The following CENPP variants were observed in gnomAD, a reference collection of about 807,000 sequenced individuals.
CENPP encodes centromere protein P.
CENPP carries 24 observed loss-of-function variants against 35.6 expected under a neutral mutation model. The observed-to-expected ratio is 0.67, with a 90% CI of 0.49 to 0.95. The LOEUF is 0.95. Among genes scored for constraint, CENPP ranks in the 40% least tolerant of loss-of-function variants. The pLI is 0.00. For synonymous variants in CENPP, 120 were observed against 125.5 expected (o/e 0.96, Z 0.29); for missense variants, 332 against 345.3 (o/e 0.96, Z 0.31).
intron 5 of CENPP, among the ~76,000 whole-genome samples, chr9:92,481,665 A>G (rs1463385129): frequency 2.0e-5 from 3 of 152,148 alleles, no homozygotes; most frequent in Non-Finnish European, 4.4e-5. Flanking sequence ...AAAATTTCCT[A>G]ATCTTTCATA....
At chr9:92,571,180 G>A (rs551130193) in intron 5 of CENPP, among the ~76,000 whole-genome samples, 11 of 150,978 alleles carry the variant, frequency 7.3e-5, no homozygotes, top group East Asian at 5.8e-4. Context: ...TTAGGGTGTC[G>A]ATTTTAGATC....
At chr9:92,325,907 C>G, upstream of CENPP, 1 of 1,117,576 alleles carries the variant, frequency 8.9e-7, no homozygotes, top group Non-Finnish European at 1.3e-6. Context: ...ATGGTCCGCG[C>G]CGGGAGCGCG....
chr9:92,360,983 A>G (rs1463247513), intron 4 of CENPP, among the ~76,000 whole-genome samples: 5 of 152,250 alleles, frequency 3.3e-5, no homozygotes, highest in Non-Finnish European at 7.4e-5. Flanking sequence ...CTGGGATTAC[A>G]GGCGTGAGCC....
intron 5 of CENPP, among the ~76,000 whole-genome samples, chr9:92,497,310 TG>T (rs1484815451): frequency 6.7e-6 from 1 of 149,070 alleles, no homozygotes; most frequent in Non-Finnish European, 1.5e-5. Context: ...TGATGGGGAG[TG>T]ATATACTGAT....
upstream of CENPP, chr9:92,325,873 C>A (rs1297472354): frequency 1.4e-6 from 1 of 705,468 alleles, no homozygotes; most frequent in Non-Finnish European, 2.4e-6. Flanking sequence ...AGCTCTCCCG[C>A]CTCCCCTCCG....
rs534182987 is a variant in CENPP at position 92,337,269 on chromosome 9, G to A, written c.290-272G>A. On this transcript the variant is annotated intron_variant, in intron 2 of 7. Coordinates refer to ENST00000375587, the MANE Select transcript of CENPP (RefSeq NM_001012267.3). ...GGAGGTAGAGGTTGCAGCGAGTCGA[G>A]ATCGCACCATTGCACTCCAGCTTGG... Among the ~76,000 whole-genome samples the A allele has an allele frequency of 2.3e-4, 35 of 151,980 alleles. 1 individual carries two copies. In the South Asian group the frequency reaches 7.1e-3, roughly 31 times the overall value.
In CENPP at chr9:92,614,056, C is replaced by CCAT. The variant is rs1325772440; in HGVS notation, c.*909_*911dup. ...CCAAGACCAGACAGAGTGGGGGTCTCCATCTGTTTTCTCTTCTCCCTCAAA... is the reference window on the plus strand; with the variant it reads ...CCAAGACCAGACAGAGTGGGGGTCTCCATCATCTGTTTTCTCTTCTCCCTCAAA... On this transcript the variant is annotated 3_prime_UTR_variant, in exon 8 of 8. Coordinates refer to ENST00000375587, the MANE Select transcript of CENPP (RefSeq NM_001012267.3). The CCAT allele has an allele frequency of 6.6e-6, 1 of 152,256 alleles. No homozygotes were observed. Among genetic ancestry groups the CCAT allele is most frequent in the Non-Finnish European group, 1.5e-5 (1 of 68,110 alleles). The allele number at this position is 152,256 out of a possible 1,614,324, so 9.4% of individuals were successfully genotyped here.
chr9:92,337,749 A>G (rs1840975384), intron 3 of CENPP, 120 bp downstream of exon 3: 3 of 722,434 alleles, frequency 4.2e-6, no homozygotes, highest in Non-Finnish European at 7.5e-6. Flanking sequence ...GGGCCCCCCC[A>G]TTCATAGCAC....
chr9:92,590,553 G>A (rs371964817), intron 5 of CENPP, among the ~76,000 whole-genome samples: 20 of 152,220 alleles, frequency 1.3e-4, no homozygotes, highest in African/African-American at 4.1e-4. Flanking sequence ...TTCCTCCTGC[G>A]GGCCAGGGCT....
chr9:92,455,234 C>T (rs1422324053), intron 5 of CENPP, among the ~76,000 whole-genome samples: 2 of 151,990 alleles, frequency 1.3e-5, no homozygotes, highest in East Asian at 3.9e-4. Context: ...CCTGTCTCCA[C>T]AAAAAATTAG....
At chr9:92,485,192 T>C (rs1846026356) in intron 5 of CENPP, among the ~76,000 whole-genome samples, 1 of 152,226 alleles carries the variant, frequency 6.6e-6, no homozygotes, top group South Asian at 2.1e-4. Context: ...TGAAACAGTG[T>C]ACCTCTTCTT....
At chr9:92,328,780 G>C (rs188061416) in intron 1 of CENPP, among the ~76,000 whole-genome samples, 2 of 152,318 alleles carry the variant, frequency 1.3e-5, no homozygotes, top group East Asian at 3.9e-4. Flanking sequence ...ATCATTAGTT[G>C]AAATACACAA....
intron 5 of CENPP, chr9:92,401,195 A>T: frequency 7.8e-7 from 1 of 1,281,244 alleles, no homozygotes; most frequent in Non-Finnish European, 1.1e-6. Context: ...CCTATTGGAA[A>T]AATAAAAGTT....
intron 5 of CENPP, chr9:92,385,890 C>T (rs1003338817): frequency 1.9e-5 from 20 of 1,050,096 alleles, no homozygotes; most frequent in Non-Finnish European, 2.6e-5. Context: ...TCTGAGTGCC[C>T]CCTCACTTCA....
At chr9:92,398,530 T>C (rs1288361986) in intron 5 of CENPP, among the ~76,000 whole-genome samples, 1 of 152,146 alleles carries the variant, frequency 6.6e-6, no homozygotes, top group Non-Finnish European at 1.5e-5. Context: ...ATTATAGATA[T>C]TCTTTTGCAC....
chr9:92,343,029 A>G (rs1161413333), intron 3 of CENPP, among the ~76,000 whole-genome samples: 1 of 152,240 alleles, frequency 6.6e-6, no homozygotes, highest in African/African-American at 2.4e-5. Context: ...CATTTTTTAA[A>G]AATAAAATTT....
At chr9:92,391,500 G>A (rs970929055) in intron 5 of CENPP, among the ~76,000 whole-genome samples, 1 of 152,162 alleles carries the variant, frequency 6.6e-6, no homozygotes, top group South Asian at 2.1e-4. Flanking sequence ...TTGCGAGACT[G>A]AGGGACAAGA....
intron 5 of CENPP, chr9:92,610,935 C>T (rs149835270): frequency 1.6e-5 from 4 of 247,626 alleles, no homozygotes; most frequent in East Asian, 1.2e-4. Context: ...AAGAGCCTGA[C>T]GCATCCGCTT....
At chr9:92,514,098 C>T (rs2131203913) in intron 5 of CENPP, among the ~76,000 whole-genome samples, 1 of 148,746 alleles carries the variant, frequency 6.7e-6, no homozygotes, top group Non-Finnish European at 1.5e-5. Flanking sequence ...AAAATACAGT[C>T]TTCACAGAGC....
Sources: gnomAD v4.1 joint callset for allele counts (sites outside exome capture counted in the v4.1 genomes callset) on GRCh38, gnomAD v4.1.1 for gene constraint, MANE v1.5 for transcripts, NCBI Gene and HGNC (gene_info 2026-07-23, HGNC 2026-07-21) for gene names.